Variants in GTF2IRD1 observed in about 807,000 individuals in gnomAD.
GTF2IRD1 encodes general transcription factor II-I repeat domain-containing protein 1.
In GTF2IRD1, 26 loss-of-function variants were observed where a neutral mutation model predicts 113.2. The ratio of observed to expected loss-of-function variants is 0.23; its 90% CI spans 0.17 to 0.32. GTF2IRD1 has a LOEUF of 0.32. Ranked by LOEUF, GTF2IRD1 falls within the 10% of genes least tolerant of loss-of-function variation. GTF2IRD1 has a pLI of 1.00. For synonymous variants in GTF2IRD1, 484 were observed against 529.1 expected, an observed-to-expected ratio of 0.91 and a Z score of 1.17; for missense variants, 864 against 1,280.8, an observed-to-expected ratio of 0.67 and a Z score of 4.97.
chr7:74,503,088 A>G (rs1327947311), intron 1 of GTF2IRD1, among the ~76,000 whole-genome samples: 2 of 151,226 alleles, frequency 1.3e-5, no homozygotes, highest in Admixed American at 1.3e-4. Context: ...AATCACTTGA[A>G]CCTGGGAGGT....
chr7:74,562,188 G>T (rs1294719658), intron 22 of GTF2IRD1, among the ~76,000 whole-genome samples: 2 of 152,200 alleles, frequency 1.3e-5, no homozygotes, highest in African/African-American at 2.4e-5. Context: ...GGCCAGCACC[G>T]GCAGTTCCAG....
At chr7:74,585,168 A>C (rs1801651378) in intron 22 of GTF2IRD1, among the ~76,000 whole-genome samples, 1 of 139,500 alleles carries the variant, frequency 7.2e-6, no homozygotes, top group Non-Finnish European at 1.5e-5. Context: ...GCTGGAGTGC[A>C]GTGGCGCAAT....
intron 26 of GTF2IRD1, 32 bp downstream of exon 26, chr7:74,601,212 C>T: frequency 6.4e-7 from 1 of 1,555,782 alleles, no homozygotes; most frequent in Non-Finnish European, 8.7e-7. Context: ...CTCCGGCACT[C>T]ATCTCTGTGG....
Position 74,512,754 on chromosome 7 carries a change from C to G in GTF2IRD1, c.124-76C>G, listed in dbSNP as rs1398251646. 2.1e-6 allele frequency: 3 copies of G among 1,433,964 alleles called. No individual in the cohort carries two copies. The highest frequency in any genetic ancestry group is 2.9e-6 in the Non-Finnish European group (3 of 1,044,004). 88.8% of individuals were successfully genotyped at this position (1,433,964 alleles called of 1,614,324 possible). A position where few individuals can be genotyped will look rare whatever the true frequency, so the allele number is the denominator to read the frequency against. On this transcript the variant is annotated intron_variant, in intron 2 of 26. Coordinates refer to ENST00000424337, the MANE Select transcript of GTF2IRD1 (RefSeq NM_005685.4). The surrounding 1 kb of genome is among the most constrained non-coding windows in gnomAD (Gnocchi z 4.4). ...TCTCAGGCAGCTGGGAGCTCACATC[C>G]CACCCCCGAAGTGGATACTAGAGGT... is the stretch of plus-strand genomic sequence containing the variant.
chr7:74,550,946 C>T (rs782630451), intron 17 of GTF2IRD1, among the ~76,000 whole-genome samples: 1 of 151,784 alleles, frequency 6.6e-6, no homozygotes, highest in Non-Finnish European at 1.5e-5. Flanking sequence ...AGGCGGAAGG[C>T]GGAAGAATAG....
intron 10 of GTF2IRD1, 37 bp downstream of exon 10, chr7:74,535,175 G>T (rs782235600): frequency 1.3e-6 from 2 of 1,587,304 alleles, no homozygotes; most frequent in Admixed American, 1.7e-5. Flanking sequence ...TGAAGTTTCC[G>T]GATTGGTTCC....
intron 17 of GTF2IRD1, among the ~76,000 whole-genome samples, chr7:74,549,483 T>C (rs1799163639): frequency 1.3e-5 from 2 of 152,084 alleles, no homozygotes; most frequent in Admixed American, 1.3e-4. Context: ...GCCTGCTCTG[T>C]GCCAGGAGGG....
chr7:74,470,856 T>C (rs1430005502), intron 1 of GTF2IRD1, among the ~76,000 whole-genome samples: 1 of 151,886 alleles, frequency 6.6e-6, no homozygotes, highest in Non-Finnish European at 1.5e-5. Context: ...CAGGCTGGAG[T>C]GCAATGGCGT....
intron 13 of GTF2IRD1, among the ~76,000 whole-genome samples, chr7:74,539,130 C>G (rs1798480353): frequency 6.6e-6 from 1 of 152,146 alleles, no homozygotes; most frequent in South Asian, 2.1e-4. Flanking sequence ...GCGCTGGAGC[C>G]TCAGTACGGG....
At chr7:74,525,682 G>A (rs587674038) in intron 8 of GTF2IRD1, among the ~76,000 whole-genome samples, 23 of 152,016 alleles carry the variant, frequency 1.5e-4, no homozygotes, top group Admixed American at 7.9e-4. Context: ...ACTTGAACCC[G>A]GGAGGCAGAG....
At chr7:74,456,298 C>T (rs1330598623) in intron 1 of GTF2IRD1, among the ~76,000 whole-genome samples, 3 of 152,170 alleles carry the variant, frequency 2.0e-5, no homozygotes, top group Non-Finnish European at 2.9e-5. Context: ...ACGTCCTAAG[C>T]ATGACCTTGG....
chr7:74,507,209 T>G (rs1173260723), intron 1 of GTF2IRD1: 1 of 131,402 alleles, frequency 7.6e-6, no homozygotes, highest in East Asian at 2.1e-4. Flanking sequence ...GTGAGTGGCT[T>G]ATGCCTGTAT....
chr7:74,458,387 G>A (rs942645291), intron 1 of GTF2IRD1, among the ~76,000 whole-genome samples: 42 of 152,092 alleles, frequency 2.8e-4, no homozygotes, highest in South Asian at 4.1e-4. Context: ...AGTCTCCAAG[G>A]TGTAGATGTT....
intron 1 of GTF2IRD1, chr7:74,507,714 A>G (rs1796375094): frequency 9.6e-6 from 2 of 207,278 alleles, no homozygotes; most frequent in Non-Finnish European, 2.0e-5. Flanking sequence ...GAGAGCTAAT[A>G]TGGGCAGTAG....
chr7:74,586,755 G>A (rs1298983960), intron 22 of GTF2IRD1, among the ~76,000 whole-genome samples: 2 of 152,344 alleles, frequency 1.3e-5, no homozygotes, highest in African/African-American at 2.4e-5. Flanking sequence ...CCACCCAGAC[G>A]GGGTCAGCAG....
In GTF2IRD1 at chr7:74,454,050, C is replaced by G. The variant is rs1452203145; in HGVS notation, c.-133C>G. On this transcript the variant is annotated 5_prime_UTR_variant, in exon 1 of 27. Coordinates refer to ENST00000424337, the MANE Select transcript of GTF2IRD1 (RefSeq NM_005685.4). Reference sequence around the variant, plus strand: ...CCCGCCCTCGCCGCGCCGCCGTCCTCGCCTCCCTCTGCCTCTCCTTCCCCC... The same window carrying G: ...CCCGCCCTCGCCGCGCCGCCGTCCTGGCCTCCCTCTGCCTCTCCTTCCCCC... The G allele has an allele frequency of 6.6e-6, 1 of 150,932 alleles. No homozygotes were observed. Among genetic ancestry groups the G allele is most frequent in the Non-Finnish European group, 1.5e-5 (1 of 67,472 alleles). The allele number at this position is 150,932 out of a possible 1,614,324, so 9.3% of individuals were successfully genotyped here.
intron 4 of GTF2IRD1, 110 bp downstream of exon 4, chr7:74,515,706 G>T: frequency 1.1e-6 from 1 of 882,950 alleles, no homozygotes. Context: ...GGGCAAAGCC[G>T]GACCCCAAGG....
chr7:74,474,198 C>T (rs374163855), intron 1 of GTF2IRD1, among the ~76,000 whole-genome samples: 10 of 152,188 alleles, frequency 6.6e-5, no homozygotes, highest in African/African-American at 1.4e-4. Flanking sequence ...GAGCCGAGGT[C>T]GTGCCACTGC....
intron 1 of GTF2IRD1, among the ~76,000 whole-genome samples, chr7:74,494,218 C>T (rs1795522835): frequency 1.3e-5 from 2 of 152,204 alleles, no homozygotes; most frequent in Non-Finnish European, 2.9e-5. Flanking sequence ...CAGTGAGCTA[C>T]GATCGCACCA....
Sources: allele counts gnomAD v4.1 joint callset (sites outside exome capture counted in the v4.1 genomes callset), GRCh38; gene constraint gnomAD v4.1.1; non-coding constraint Gnocchi (gnomAD v3.1); transcripts MANE v1.5; gene names NCBI Gene and HGNC (gene_info 2026-07-23, HGNC 2026-07-21).